VPS13B: variants seen among roughly 807,000 people sequenced by gnomAD.
VPS13B encodes the protein intermembrane lipid transfer protein VPS13B.
A neutral mutation model predicts 426.4 loss-of-function variants in VPS13B; 285 were observed. The ratio of observed to expected loss-of-function variants is 0.67; its 90% confidence interval spans 0.61 to 0.74. The LOEUF (loss-of-function observed/expected upper bound fraction) is 0.74. Ranked by LOEUF, VPS13B falls within the 30% of genes least tolerant of loss-of-function variation. The probability of loss-of-function intolerance (pLI) is 0.00; values close to 1 mark genes in which losing one functional copy is unlikely to be tolerated. For missense variants in VPS13B, 4,537 were observed against 4,782.6 expected (o/e 0.95, Z 1.51); for synonymous variants, 1,676 against 1,676.4 (o/e 1.00, Z 0.01).
At chr8:99,679,504 T>TA (rs1274468686) in intron 35 of VPS13B, among the ~76,000 whole-genome samples, 2 of 152,186 alleles carry the variant, frequency 1.3e-5, no homozygotes, top group African/African-American at 4.8e-5. Flanking sequence ...ATCATAAAAA[T>TA]ACGTTTCTGA....
intron 51 of VPS13B, among the ~76,000 whole-genome samples, chr8:99,828,400 T>G (rs1420470573): frequency 8.0e-4 from 27 of 33,940 alleles, no homozygotes; most frequent in Admixed American, 2.4e-3. Context: ...CACCGTTTTT[T>G]TTTTTTTTTT....
intron 19 of VPS13B, among the ~76,000 whole-genome samples, chr8:99,292,020 G>T (rs1819764950): frequency 6.6e-6 from 1 of 152,014 alleles, no homozygotes; most frequent in South Asian, 2.1e-4. Context: ...TATAAGATTG[G>T]ATTGTTATTG....
chr8:99,404,355 G>A (rs1815217038), intron 21 of VPS13B, among the ~76,000 whole-genome samples: 2 of 152,170 alleles, frequency 1.3e-5, no homozygotes, highest in African/African-American at 4.8e-5. Context: ...GTCAGAACAA[G>A]ATTATAGTTT....
At chr8:99,178,444 A>G (rs918240040) in intron 16 of VPS13B, among the ~76,000 whole-genome samples, 1 of 152,068 alleles carries the variant, frequency 6.6e-6, no homozygotes, top group African/African-American at 2.4e-5. Context: ...GTACTTAACT[A>G]AGTTTCACTG....
At chr8:99,016,586 CTTTTTTTT>C (rs754060289) in intron 2 of VPS13B, among the ~76,000 whole-genome samples, 1 of 60,730 alleles carries the variant, frequency 1.6e-5, no homozygotes. Context: ...TATAGGAATT[CTTTTTTTT>C]TTTTTTTTTT....
At chr8:99,873,669 C>T (rs1340388053) in intron 61 of VPS13B, among the ~76,000 whole-genome samples, 1 of 152,140 alleles carries the variant, frequency 6.6e-6, no homozygotes, top group African/African-American at 2.4e-5. Flanking sequence ...TGTCTATAAC[C>T]CCAACCTCTC....
chr8:99,610,390 C>A (rs1050732718), intron 33 of VPS13B, among the ~76,000 whole-genome samples: 2 of 152,164 alleles, frequency 1.3e-5, no homozygotes, highest in African/African-American at 4.8e-5. Context: ...CACATGTACA[C>A]CATGGAATAC....
At chr8:99,859,878 A>C (rs1205354397) in intron 57 of VPS13B, among the ~76,000 whole-genome samples, 3 of 152,218 alleles carry the variant, frequency 2.0e-5, no homozygotes, top group Non-Finnish European at 4.4e-5. Context: ...TTTCTTAAGG[A>C]TATGGATACA....
rs202079048 is a variant in VPS13B, at chr8:99,748,952, T to C, written c.7051-17822T>C. 4.7e-4 allele frequency among the ~76,000 whole-genome samples: 71 copies of C among 152,190 alleles called. 1 individual carries two copies. In the East Asian group the frequency reaches 0.013, roughly 28 times the overall value. ...TTCCTAGTGGAGGAATTTAAATGACTGAATTTAAATTCTGTGGGTTGGGGA... is the reference window on the plus strand; with the variant it reads ...TTCCTAGTGGAGGAATTTAAATGACCGAATTTAAATTCTGTGGGTTGGGGA... On this transcript the variant is annotated intron_variant, in intron 39 of 61. Transcript: ENST00000357162.
At chr8:99,202,229 T>C (rs1814374277) in intron 17 of VPS13B, among the ~76,000 whole-genome samples, 1 of 152,172 alleles carries the variant, frequency 6.6e-6, no homozygotes, top group Admixed American at 6.5e-5. Flanking sequence ...TGAATAGATA[T>C]TGATGAGAAA....
chr8:99,059,363 C>T (rs985831803), intron 3 of VPS13B, among the ~76,000 whole-genome samples: 5 of 152,160 alleles, frequency 3.3e-5, no homozygotes, highest in South Asian at 2.1e-4. Flanking sequence ...TTGGTAGAGA[C>T]GGGGTTTCGC....
chr8:99,229,700 A>G (rs1816217619), intron 17 of VPS13B, among the ~76,000 whole-genome samples: 1 of 152,180 alleles, frequency 6.6e-6, no homozygotes, highest in African/African-American at 2.4e-5. Context: ...CACTTTGGCT[A>G]AAGAATTCTG....
intron 34 of VPS13B, among the ~76,000 whole-genome samples, chr8:99,650,463 A>C (rs761934822): frequency 3.9e-5 from 6 of 152,176 alleles, no homozygotes; most frequent in Non-Finnish European, 8.8e-5. Context: ...ATATATGTAT[A>C]GTTAAATATA....
chr8:99,337,909 G>GT (rs988853104), intron 19 of VPS13B, among the ~76,000 whole-genome samples: 31 of 149,808 alleles, frequency 2.1e-4, no homozygotes, highest in South Asian at 4.2e-4. Context: ...TCAAGTTTTT[G>GT]TTTTTTTTTT....
At chr8:99,162,164 C>T (rs138140712) in intron 15 of VPS13B, among the ~76,000 whole-genome samples, 17 of 151,928 alleles carry the variant, frequency 1.1e-4, no homozygotes, top group East Asian at 1.9e-4. Flanking sequence ...TTTTTTTATA[C>T]GGCTATTGTG....
intron 17 of VPS13B, among the ~76,000 whole-genome samples, chr8:99,194,418 C>T (rs1437012741): frequency 6.6e-6 from 1 of 152,154 alleles, no homozygotes; most frequent in Non-Finnish European, 1.5e-5. Context: ...ATACCCACCC[C>T]CACTCCATTC....
At chr8:99,795,172 A>C (rs1024652828) in intron 43 of VPS13B, among the ~76,000 whole-genome samples, 1 of 152,192 alleles carries the variant, frequency 6.6e-6, no homozygotes, top group Non-Finnish European at 1.5e-5. Context: ...GCTAGGAGGC[A>C]CTTCAACACT....
intron 19 of VPS13B, among the ~76,000 whole-genome samples, chr8:99,377,799 T>C (rs1018407836): frequency 6.6e-6 from 1 of 152,096 alleles, no homozygotes. Context: ...TTATTAGCAA[T>C]TTTCAAAGGG....
intron 44 of VPS13B, among the ~76,000 whole-genome samples, chr8:99,812,283 GTACATCA>G (rs1813749426): frequency 2.0e-5 from 3 of 152,170 alleles, no homozygotes; most frequent in African/African-American, 7.2e-5. Flanking sequence ...TCTGGTTAAA[GTACATCA>G]GAGACGTAGG....
Sources: gnomAD v4.1 joint callset for allele counts (sites outside exome capture counted in the v4.1 genomes callset) on GRCh38, gnomAD v4.1.1 for gene constraint, MANE v1.5 for transcripts, NCBI Gene and HGNC (gene_info 2026-07-23, HGNC 2026-07-21) for gene names.